The following KCNIP4 variants were observed in gnomAD, a reference collection of about 807,000 sequenced individuals.
KCNIP4 encodes potassium voltage-gated channel interacting protein 4.
In KCNIP4, 12 loss-of-function variants were observed where a neutral mutation model predicts 34.0. The observed-to-expected ratio is 0.35, with a 90% confidence interval of 0.23 to 0.57. KCNIP4 has a LOEUF of 0.57. KCNIP4 is among the 20% of genes least tolerant of loss of function. The pLI, the probability that KCNIP4 is intolerant of heterozygous loss-of-function variation, is 0.83. For missense variants in KCNIP4, 238 were observed against 311.7 expected (o/e 0.76, Z 1.78); for synonymous variants, 124 against 102.2 (o/e 1.21, Z -1.29).
At chr4:21,018,933 G>A (rs988128124) in intron 1 of KCNIP4, among the ~76,000 whole-genome samples, 1 of 152,124 alleles carries the variant, frequency 6.6e-6, no homozygotes, top group Admixed American at 6.5e-5. Context: ...AGTTGTATTA[G>A]TTTACTAGGG....
chr4:21,432,270 G>C (rs900655459), intron 1 of KCNIP4, among the ~76,000 whole-genome samples: 1 of 150,016 alleles, frequency 6.7e-6, no homozygotes, highest in Non-Finnish European at 1.5e-5. Context: ...ATGTAGATTA[G>C]GTTCAAGTTG....
At chr4:20,888,667 T>C (rs924602755) in intron 1 of KCNIP4, among the ~76,000 whole-genome samples, 10 of 152,156 alleles carry the variant, frequency 6.6e-5, no homozygotes, top group African/African-American at 2.4e-4. Context: ...TATCGCCACC[T>C]ACAATGGACA....
chr4:21,121,065 A>T (rs975008172), intron 1 of KCNIP4, among the ~76,000 whole-genome samples: 1 of 152,342 alleles, frequency 6.6e-6, no homozygotes, highest in African/African-American at 2.4e-5. Flanking sequence ...CGAAGAATAC[A>T]TAAGCCATCT....
intron 1 of KCNIP4, among the ~76,000 whole-genome samples, chr4:21,565,261 G>A (rs555021620): frequency 5.9e-5 from 9 of 152,082 alleles, no homozygotes; most frequent in South Asian, 4.1e-4. Flanking sequence ...GCAGATGGCC[G>A]CTTTCTTATT....
At chr4:21,115,486 A>T (rs1165634429) in intron 1 of KCNIP4, among the ~76,000 whole-genome samples, 2 of 152,232 alleles carry the variant, frequency 1.3e-5, no homozygotes, top group Non-Finnish European at 2.9e-5. Context: ...TGAATTTCCT[A>T]GACACTTCAT....
At chr4:21,519,787 G>A (rs1294025619) in intron 1 of KCNIP4, among the ~76,000 whole-genome samples, 13 of 128,956 alleles carry the variant, frequency 1.0e-4, no homozygotes, top group Non-Finnish European at 2.0e-4. Flanking sequence ...GTGTGTGTAT[G>A]TGTGTGTATA....
chr4:21,699,741 C>T (rs1310099568), intron 1 of KCNIP4, among the ~76,000 whole-genome samples: 1 of 152,102 alleles, frequency 6.6e-6, no homozygotes, highest in East Asian at 1.9e-4. Flanking sequence ...AAGTCCGGGG[C>T]TACAGTATGT....
At chr4:20,889,169 T>A (rs752748293) in intron 1 of KCNIP4, among the ~76,000 whole-genome samples, 3 of 152,152 alleles carry the variant, frequency 2.0e-5, no homozygotes, top group African/African-American at 4.8e-5. Context: ...TCATATTTGC[T>A]TCATATTTAT....
intron 1 of KCNIP4, among the ~76,000 whole-genome samples, chr4:21,837,539 A>AAAAAAAAAAG (rs544740343): frequency 0.08 from 11,638 of 145,234 alleles, 870 homozygotes; most frequent in Non-Finnish European, 0.12. Flanking sequence ...TGTCAAAAAA[A>AAAAAAAAAAG]AAAAAAAAGA....
intron 2 of KCNIP4, among the ~76,000 whole-genome samples, chr4:20,878,179 A>G (rs928202986): frequency 2.6e-5 from 4 of 152,142 alleles, no homozygotes; most frequent in African/African-American, 9.7e-5. Flanking sequence ...TAGTCATTCT[A>G]TGTACCTACC....
chr4:21,648,888 C>T (rs1355288293), intron 1 of KCNIP4, among the ~76,000 whole-genome samples: 1 of 152,034 alleles, frequency 6.6e-6, no homozygotes, highest in East Asian at 1.9e-4. Flanking sequence ...TTTAAATTCC[C>T]TTGTGTTTGC....
intron 1 of KCNIP4, among the ~76,000 whole-genome samples, chr4:21,419,721 G>A (rs1725291061): frequency 6.6e-6 from 1 of 151,920 alleles, no homozygotes; most frequent in Admixed American, 6.6e-5. Flanking sequence ...GTTTTTTTAG[G>A]TTAATTCTAT....
chr4:21,811,442 A>G (rs1041830423), intron 1 of KCNIP4, among the ~76,000 whole-genome samples: 10 of 152,346 alleles, frequency 6.6e-5, no homozygotes, highest in Middle Eastern at 6.8e-3. Context: ...AATGAAATAG[A>G]TAACAATGTA....
At chr4:21,933,318 T>A (rs942759681) in intron 1 of KCNIP4, among the ~76,000 whole-genome samples, 1 of 152,042 alleles carries the variant, frequency 6.6e-6, no homozygotes. Context: ...CTCTTAGCCA[T>A]CTGGACCTTA....
chr4:21,038,208 CT>C (rs548236358), intron 1 of KCNIP4, among the ~76,000 whole-genome samples: 193 of 152,142 alleles, frequency 1.3e-3, no homozygotes, highest in African/African-American at 4.5e-3. Flanking sequence ...ATCTCCTGAC[CT>C]TGTGATCCAC....
At chr4:21,590,286 A>G (rs1742091831) in intron 1 of KCNIP4, among the ~76,000 whole-genome samples, 1 of 152,004 alleles carries the variant, frequency 6.6e-6, no homozygotes, top group Admixed American at 6.6e-5. Flanking sequence ...AATAGCTATC[A>G]AGGAATCAAT....
chr4:21,127,946 A>G (rs1750753379), intron 1 of KCNIP4, among the ~76,000 whole-genome samples: 1 of 152,234 alleles, frequency 6.6e-6, no homozygotes, highest in South Asian at 2.1e-4. Context: ...AATATTTATA[A>G]CAGGTATACT....
chr4:20,780,900 T>A (rs867411848), intron 3 of KCNIP4, among the ~76,000 whole-genome samples: 6 of 152,330 alleles, frequency 3.9e-5, no homozygotes, highest in African/African-American at 1.4e-4. Context: ...CTCAAAAATA[T>A]CCTAATTTAT....
At chr4:21,147,294 G>A (rs1752431129) in intron 1 of KCNIP4, among the ~76,000 whole-genome samples, 1 of 152,094 alleles carries the variant, frequency 6.6e-6, no homozygotes, top group Non-Finnish European at 1.5e-5. Flanking sequence ...CACTCCTTCA[G>A]TTCTCGGGGA....
Sources: gnomAD v4.1 joint callset for allele counts (sites outside exome capture counted in the v4.1 genomes callset) on GRCh38, gnomAD v4.1.1 for gene constraint, MANE v1.5 for transcripts, NCBI Gene and HGNC (gene_info 2026-07-23, HGNC 2026-07-21) for gene names.